Variants in VEGFC observed in about 807,000 individuals in gnomAD.
VEGFC encodes the protein FLT4 ligand DHM.
VEGFC carries 12 observed loss-of-function variants against 46.1 expected under a neutral mutation model. The ratio of observed to expected loss-of-function variants is 0.26; its 90% CI spans 0.17 to 0.42. The LOEUF is 0.42. Among genes scored for constraint, VEGFC ranks in the 10% least tolerant of loss-of-function variants. The probability of loss-of-function intolerance (pLI) is 1.00; values close to 1 mark genes in which losing one functional copy is unlikely to be tolerated. For synonymous variants in VEGFC, 232 were observed against 195.5 expected, an observed-to-expected ratio of 1.19 and a Z score of -1.56; for missense variants, 488 against 529.4, an observed-to-expected ratio of 0.92 and a Z score of 0.77.
intron 1 of VEGFC, among the ~76,000 whole-genome samples, chr4:176,742,186 T>C (rs1735187370): frequency 6.6e-6 from 1 of 152,040 alleles, no homozygotes. Flanking sequence ...ACATGAAGTA[T>C]TTGATTTTCT....
chr4:176,688,926 C>A (rs1579084324), intron 4 of VEGFC, among the ~76,000 whole-genome samples: 1 of 152,160 alleles, frequency 6.6e-6, no homozygotes, highest in East Asian at 1.9e-4. Context: ...GTGTTTAGTG[C>A]CATCAGATCA....
intron 1 of VEGFC, among the ~76,000 whole-genome samples, chr4:176,742,647 T>C (rs1424313111): frequency 1.3e-5 from 2 of 152,044 alleles, no homozygotes; most frequent in African/African-American, 4.8e-5. Context: ...TTAAATGTGT[T>C]TCATAATAAC....
At chr4:176,769,389 C>T (rs145253912) in intron 1 of VEGFC, among the ~76,000 whole-genome samples, 22 of 152,202 alleles carry the variant, frequency 1.4e-4, no homozygotes, top group Middle Eastern at 3.4e-3. Context: ...TGTCCTCTTG[C>T]GGTCTCACCT....
chr4:176,687,966 T>C (rs1469684888), intron 4 of VEGFC, 39 bp from the exon 5 acceptor site: 2 of 1,276,414 alleles, frequency 1.6e-6, no homozygotes, highest in Non-Finnish European at 2.3e-6. Context: ...ATGGTGTAAC[T>C]GGTACCTAGA....
chr4:176,781,102 G>A lies in VEGFC; in HGVS notation c.147+11063C>T, dbSNP rs138832873. Among the ~76,000 whole-genome samples, 128 of 152,284 alleles carry A rather than the reference G, an allele frequency of 8.4e-4. 1 individual carries two copies. Among genetic ancestry groups the A allele is most frequent in the African/African-American group, 2.8e-3 (118 of 41,574 alleles). On this transcript the variant is annotated intron_variant, in intron 1 of 6. Coordinates refer to ENST00000618562, the MANE Select transcript of VEGFC (RefSeq NM_005429.5). Reference sequence around the variant, plus strand: ...TTTGCTTTAATGTGTATCTGAAGCAGCTTCAAATTACCCAATTGTTAAGTG... The same window carrying A: ...TTTGCTTTAATGTGTATCTGAAGCAACTTCAAATTACCCAATTGTTAAGTG...
intron 6 of VEGFC, among the ~76,000 whole-genome samples, chr4:176,685,330 G>T (rs986339466): frequency 6.6e-6 from 1 of 152,122 alleles, no homozygotes; most frequent in African/African-American, 2.4e-5. Context: ...ATGAACCAAA[G>T]AATATATACT....
chr4:176,753,880 T>C (rs1735390010), intron 1 of VEGFC, among the ~76,000 whole-genome samples: 1 of 152,114 alleles, frequency 6.6e-6, no homozygotes, highest in African/African-American at 2.4e-5. Context: ...TTTGGATATC[T>C]GATTTCTTTT....
At chr4:176,708,226 C>T (rs962663503) in intron 4 of VEGFC, among the ~76,000 whole-genome samples, 2 of 151,522 alleles carry the variant, frequency 1.3e-5, no homozygotes, top group African/African-American at 4.8e-5. Context: ...TCAATTGTTA[C>T]TTTGCATATG....
chr4:176,764,404 T>C (rs977897380), intron 1 of VEGFC, among the ~76,000 whole-genome samples: 1 of 152,042 alleles, frequency 6.6e-6, no homozygotes, highest in African/African-American at 2.4e-5. Flanking sequence ...GGACAGAGGG[T>C]ACACAAAACA....
chr4:176,758,054 T>A (rs925143708), intron 1 of VEGFC, among the ~76,000 whole-genome samples: 29 of 152,280 alleles, frequency 1.9e-4, no homozygotes, highest in African/African-American at 7.0e-4. Context: ...AAATTACTCA[T>A]TCATTCAATA....
At position 176,727,796 on chromosome 4, in the gene VEGFC, C is replaced by G. The variant is rs763069745; in HGVS notation, c.534G>C (p.Thr178=). ...TACCCACCGTCTTGCTGAGGTAGCTCGTGCTGGTGTTCATGCACTGCAGCC... is the reference window on the plus strand; with the variant it reads ...TACCCACCGTCTTGCTGAGGTAGCTGGTGCTGGTGTTCATGCACTGCAGCC... ...SEGLQCMNTS[T]SYLSKTLFEI... Residue 178 remains threonine (T), a synonymous_variant, in exon 3 of 7, where the codon ACG becomes ACC. Coordinates refer to ENST00000618562, the MANE Select transcript of VEGFC (RefSeq NM_005429.5). 3.7e-6 allele frequency: 6 copies of G among 1,613,250 alleles called. No individual in the cohort carries two copies. The highest frequency in any genetic ancestry group is 5.1e-6 in the Non-Finnish European group (6 of 1,179,472).
chr4:176,703,313 G>C (rs1314922919), intron 4 of VEGFC, among the ~76,000 whole-genome samples: 2 of 152,064 alleles, frequency 1.3e-5, no homozygotes, highest in Admixed American at 6.6e-5. Flanking sequence ...ATGCAATCCT[G>C]TCATTTGCAT....
intron 1 of VEGFC, among the ~76,000 whole-genome samples, chr4:176,755,419 T>C (rs1044693919): frequency 1.3e-5 from 2 of 151,988 alleles, no homozygotes; most frequent in Non-Finnish European, 2.9e-5. Context: ...GTCTGAGTTG[T>C]GTGTTCTACA....
At chr4:176,715,692 A>T (rs965155215) in intron 3 of VEGFC, among the ~76,000 whole-genome samples, 1 of 151,934 alleles carries the variant, frequency 6.6e-6, no homozygotes, top group Non-Finnish European at 1.5e-5. Context: ...TTACATAGCT[A>T]TATTTAATCC....
At chr4:176,692,132 C>T (rs866081522) in intron 4 of VEGFC, among the ~76,000 whole-genome samples, 13 of 151,474 alleles carry the variant, frequency 8.6e-5, no homozygotes, top group African/African-American at 2.9e-4. Flanking sequence ...CGGTGGCTCA[C>T]GCCTGTAATC....
At chr4:176,764,260 A>G (rs943662323) in intron 1 of VEGFC, among the ~76,000 whole-genome samples, 5 of 152,160 alleles carry the variant, frequency 3.3e-5, no homozygotes, top group Non-Finnish European at 7.3e-5. Flanking sequence ...TTGGATAGGT[A>G]AGAGGCTGAA....
chr4:176,791,175 T>TAACAC (rs1736083098), intron 1 of VEGFC, among the ~76,000 whole-genome samples: 1 of 152,212 alleles, frequency 6.6e-6, no homozygotes, highest in Non-Finnish European at 1.5e-5. Context: ...ACACCACAGG[T>TAACAC]ACCTCTCCAC....
rs764367424 is a variant in VEGFC at position 176,684,015 on chromosome 4, G to T, written c.1171C>A (p.Arg391Ser). 3 of 1,614,134 alleles carry T rather than the reference G, an allele frequency of 1.9e-6. No individual in the cohort carries two copies. The highest frequency in any genetic ancestry group is 2.7e-5 in the African/African-American group (2 of 75,034). Residue 391 changes from arginine to serine, a missense_variant, in exon 7 of 7, where the codon CGC becomes AGC. Coordinates refer to ENST00000618562, the MANE Select transcript of VEGFC (RefSeq NM_005429.5). The stretch of plus-strand genomic sequence containing the variant: ...AATCCTGGCTCACAAGCCTTCTGGC[G>T]GTTCGTACATGGCCGTCTGTAACAG... ...CSCYRRPCTN[R>S]QKACEPGFSY...
At chr4:176,775,650 A>T (rs997472226) in intron 1 of VEGFC, among the ~76,000 whole-genome samples, 1 of 152,198 alleles carries the variant, frequency 6.6e-6, no homozygotes, top group African/African-American at 2.4e-5. Context: ...AATTTTGATG[A>T]TTATGATGAC....
Sources: gnomAD v4.1 joint callset for allele counts (sites outside exome capture counted in the v4.1 genomes callset) on GRCh38, gnomAD v4.1.1 for gene constraint, MANE v1.5 for transcripts, NCBI Gene and HGNC (gene_info 2026-07-23, HGNC 2026-07-21) for gene names.